XKR6: variants seen among roughly 807,000 people sequenced by gnomAD.
XKR6 encodes XK-related protein 6.
In XKR6, 22 loss-of-function variants were observed where a neutral mutation model predicts 56.7. The observed-to-expected ratio is 0.39, with a 90% CI of 0.28 to 0.55. The LOEUF (loss-of-function observed/expected upper bound fraction) is 0.55. Ranked by LOEUF, XKR6 falls within the 20% of genes least tolerant of loss-of-function variation. The probability of loss-of-function intolerance (pLI) is 0.66; values close to 1 mark genes in which losing one functional copy is unlikely to be tolerated. For synonymous variants in XKR6, 524 were observed against 387.8 expected (o/e 1.35, Z -4.13); for missense variants, 852 against 889.0 (o/e 0.96, Z 0.53).
At chr8:11,040,841 T>C (rs1799269432) in intron 1 of XKR6, among the ~76,000 whole-genome samples, 1 of 152,208 alleles carries the variant, frequency 6.6e-6, no homozygotes, top group South Asian at 2.1e-4. Flanking sequence ...AATGGCCTCC[T>C]GTAAAACAGA....
In XKR6 at chr8:11,065,532, T is replaced by C. The variant is rs150020532; in HGVS notation, c.764+135044A>G. On this transcript the variant is annotated intron_variant, in intron 1 of 2. Coordinates refer to ENST00000416569, the MANE Select transcript of XKR6 (RefSeq NM_173683.4). The stretch of plus-strand genomic sequence containing the variant: ...ATCAGCCACACCAACTGCAGTCTCA[T>C]CTACTTATTTTTTTTTCTTTCACTC... Among the ~76,000 whole-genome samples, 783 of 152,264 alleles carry C rather than the reference T, an allele frequency of 5.1e-3. 7 individuals carry two copies. Among genetic ancestry groups the C allele is most frequent in the African/African-American group, 0.016 (673 of 41,560 alleles).
At chr8:10,931,878 G>T (rs1801061853) in intron 1 of XKR6, among the ~76,000 whole-genome samples, 1 of 151,878 alleles carries the variant, frequency 6.6e-6, no homozygotes, top group African/African-American at 2.4e-5. Flanking sequence ...TTTGCTCTGT[G>T]AATGACATTG....
chr8:10,988,327 A>G (rs1301917975), intron 1 of XKR6, among the ~76,000 whole-genome samples: 2 of 152,188 alleles, frequency 1.3e-5, no homozygotes, highest in East Asian at 1.9e-4. Context: ...ATTTTCTTCA[A>G]TGAATGAGTA....
intron 1 of XKR6, chr8:11,111,520 G>GA (rs1186069300): frequency 1.3e-5 from 2 of 152,038 alleles, no homozygotes; most frequent in Non-Finnish European, 2.9e-5. Context: ...CTTTCTTCCT[G>GA]AAAAATAATT....
intron 1 of XKR6, among the ~76,000 whole-genome samples, chr8:11,006,734 T>C (rs1162139221): frequency 6.6e-6 from 1 of 152,172 alleles, no homozygotes; most frequent in African/African-American, 2.4e-5. Context: ...ATTTGTAGGA[T>C]TTCTGTCCTT....
chr8:11,115,502 T>C (rs554032903), intron 1 of XKR6, among the ~76,000 whole-genome samples: 2 of 152,356 alleles, frequency 1.3e-5, no homozygotes, highest in Non-Finnish European at 2.9e-5. Context: ...ACACCATTCA[T>C]CTATGCCCAT....
chr8:11,129,610 C>T (rs1014098043), intron 1 of XKR6, among the ~76,000 whole-genome samples: 3 of 152,064 alleles, frequency 2.0e-5, no homozygotes, highest in Non-Finnish European at 4.4e-5. Flanking sequence ...GTTAAGAAGA[C>T]GTTTCTTAAA....
chr8:11,019,255 C>G (rs1343060503), intron 1 of XKR6, among the ~76,000 whole-genome samples: 1 of 152,212 alleles, frequency 6.6e-6, no homozygotes, highest in East Asian at 1.9e-4. Context: ...GACCCACCCT[C>G]CCTCTCCTCT....
chr8:10,992,921 G>A (rs533214344), intron 1 of XKR6, among the ~76,000 whole-genome samples: 6 of 152,330 alleles, frequency 3.9e-5, no homozygotes, highest in Middle Eastern at 6.8e-3. Context: ...AGCTGAGGTG[G>A]CAAACTACCT....
At position 11,200,980 on chromosome 8, in the gene XKR6, C is replaced by G. The variant is rs757318196; in HGVS notation, c.360G>C (p.Pro120=). ...PSAARPEPPP[P]QVERPWLDCL... ...AGTCGAGCCACGGCCGCTCCACCTGCGGCGGCGGCGGCTCCGGCCGCGCGG... is the reference window on the plus strand; with the variant it reads ...AGTCGAGCCACGGCCGCTCCACCTGGGGCGGCGGCGGCTCCGGCCGCGCGG... Residue 120 remains proline (P), a synonymous_variant, in exon 1 of 3, where the codon CCG becomes CCC. Transcript: ENST00000416569. The surrounding 1 kb of genome is among the most constrained non-coding windows in gnomAD (Gnocchi z 6.4). 1.8e-5 allele frequency: 26 copies of G among 1,471,076 alleles called. No individual in the cohort carries two copies. Among genetic ancestry groups the G allele is most frequent in the Non-Finnish European group, 2.0e-5 (22 of 1,110,276 alleles). The allele number at this position is 1,471,076 out of a possible 1,614,324, so 91.1% of individuals were successfully genotyped here.
chr8:11,086,765 G>C (rs1029387136), intron 1 of XKR6, among the ~76,000 whole-genome samples: 2 of 152,218 alleles, frequency 1.3e-5, no homozygotes, highest in African/African-American at 4.8e-5. Context: ...AGTGAAAAGG[G>C]AGACTTCAAA....
At chr8:11,054,401 C>G (rs987900661) in intron 1 of XKR6, among the ~76,000 whole-genome samples, 1 of 152,206 alleles carries the variant, frequency 6.6e-6, no homozygotes, top group African/African-American at 2.4e-5. Context: ...AGAAATCTGT[C>G]CATGTACCGG....
At chr8:10,925,502 C>T (rs921437407) in intron 1 of XKR6, among the ~76,000 whole-genome samples, 1 of 152,182 alleles carries the variant, frequency 6.6e-6, no homozygotes, top group Non-Finnish European at 1.5e-5. Flanking sequence ...ATGGAGTCTC[C>T]GTCCCAGCAG....
intron 1 of XKR6, among the ~76,000 whole-genome samples, chr8:11,063,434 G>C (rs1799895932): frequency 1.3e-5 from 2 of 151,174 alleles, no homozygotes; most frequent in African/African-American, 4.9e-5. Context: ...GGAGTTGGAG[G>C]CTGCACTGAG....
chr8:11,190,314 T>G (rs1288136878), intron 1 of XKR6, among the ~76,000 whole-genome samples: 1 of 152,054 alleles, frequency 6.6e-6, no homozygotes, highest in Non-Finnish European at 1.5e-5. Context: ...ACAGCTTCTT[T>G]ATATCCTTGG....
chr8:11,108,796 G>C (rs571109789), intron 1 of XKR6: 4 of 168,076 alleles, frequency 2.4e-5, no homozygotes, highest in African/African-American at 7.2e-5. Flanking sequence ...TTCTGGATTG[G>C]GGCTTCCTGA....
At chr8:11,000,663 C>G (rs1201781013) in intron 1 of XKR6, among the ~76,000 whole-genome samples, 2 of 152,146 alleles carry the variant, frequency 1.3e-5, no homozygotes, top group Non-Finnish European at 2.9e-5. Context: ...CCAGTCTGGG[C>G]AAGAGAGCCA....
At chr8:11,195,253 GT>G in intron 1 of XKR6, 2 of 689,832 alleles carry the variant, frequency 2.9e-6, no homozygotes, top group South Asian at 3.1e-5. Context: ...TCACCCTAGT[GT>G]TTTTACAGTT....
chr8:11,045,719 T>C (rs1006637063), intron 1 of XKR6, among the ~76,000 whole-genome samples: 3 of 152,184 alleles, frequency 2.0e-5, no homozygotes, highest in African/African-American at 7.2e-5. Context: ...TTTCTCCTGT[T>C]CCTATCTTTC....
Sources: gnomAD v4.1 joint callset for allele counts (sites outside exome capture counted in the v4.1 genomes callset) on GRCh38, gnomAD v4.1.1 for gene constraint, Gnocchi (gnomAD v3.1) non-coding constraint, MANE v1.5 for transcripts, NCBI Gene and HGNC (gene_info 2026-07-23, HGNC 2026-07-21) for gene names.